Variants in NECAB2 observed in about 807,000 individuals in gnomAD.
NECAB2 encodes the protein N-terminal EF-hand calcium binding protein 2.
A neutral mutation model predicts 51.9 loss-of-function variants in NECAB2; 68 were observed. That is an observed-to-expected ratio of 1.31 (90% confidence interval 1.08 to 1.60). The LOEUF (loss-of-function observed/expected upper bound fraction) is 1.60, where lower values mean the gene tolerates loss of function less well. NECAB2 is among the 40% of genes most tolerant of loss of function. NECAB2 has a pLI of 0.00. For synonymous variants in NECAB2, 329 were observed against 203.5 expected, an observed-to-expected ratio of 1.62 and a Z score of -5.25; for missense variants, 854 against 490.3, an observed-to-expected ratio of 1.74 and a Z score of -7.00.
Position 84,000,810 on chromosome 16 carries a change from C to A in NECAB2, c.1040+9C>A. The A allele has an allele frequency of 6.2e-7, 1 of 1,613,126 alleles. No homozygotes were observed. The highest frequency in any genetic ancestry group is 1.1e-5 in the South Asian group (1 of 91,070). On this transcript the variant is annotated intron_variant, in intron 11 of 12. Coordinates refer to ENST00000305202, the MANE Select transcript of NECAB2 (RefSeq NM_019065.3). ...GAGGAGGCGTGGAAGAGGTGAGATG[C>A]TGGGTCCCCACAGCAGGTGAGGGAG...
chr16:83,965,796 C>T (rs2084273211), upstream of NECAB2: 1 of 1,613,046 alleles, frequency 6.2e-7, no homozygotes, highest in Non-Finnish European at 8.5e-7. Context: ...CTGCCTGGGG[C>T]AGGGGCTGAC....
intron 10 of NECAB2, 152 bp downstream of exon 10, chr16:83,998,469 C>G (rs1053567649): frequency 7.1e-6 from 5 of 703,826 alleles, no homozygotes; most frequent in Admixed American, 5.8e-5. Context: ...GTTCAGGTCT[C>G]TACTGAGGTT....
chr16:83,972,785 C>T (rs973996032), intron 2 of NECAB2, among the ~76,000 whole-genome samples: 1 of 152,180 alleles, frequency 6.6e-6, no homozygotes, highest in Non-Finnish European at 1.5e-5. Flanking sequence ...GAATTCATAG[C>T]GCTCCACTTC....
At chr16:83,975,294 G>A (rs2084396369) in intron 2 of NECAB2, among the ~76,000 whole-genome samples, 1 of 150,752 alleles carries the variant, frequency 6.6e-6, no homozygotes, top group Admixed American at 6.6e-5. Context: ...GAACAGGTGT[G>A]CAGGGATGAG....
intron 5 of NECAB2, among the ~76,000 whole-genome samples, chr16:83,984,912 C>G (rs2084533834): frequency 6.6e-6 from 1 of 152,132 alleles, no homozygotes; most frequent in African/African-American, 2.4e-5. Flanking sequence ...TAGCTCCTAT[C>G]ATTATTATTT....
intron 8 of NECAB2, among the ~76,000 whole-genome samples, chr16:83,996,600 T>G (rs2084702716): frequency 7.0e-6 from 1 of 143,656 alleles, no homozygotes; most frequent in Non-Finnish European, 1.6e-5. Context: ...GTGCGTCAGG[T>G]AGACACACTG....
chr16:83,991,249 C>G (rs1232700571), intron 6 of NECAB2, among the ~76,000 whole-genome samples: 1 of 151,960 alleles, frequency 6.6e-6, no homozygotes, highest in Admixed American at 6.6e-5. Context: ...TCCCAAAGTG[C>G]TGGGATGAAA....
intron 5 of NECAB2, among the ~76,000 whole-genome samples, chr16:83,987,195 C>G (rs896362000): frequency 2.6e-5 from 4 of 152,024 alleles, no homozygotes; most frequent in African/African-American, 9.7e-5. Context: ...CTTAGAAAAA[C>G]AAGAAACCCA....
At chr16:83,965,844 G>A (rs1291152363), upstream of NECAB2, 1 of 1,613,060 alleles carries the variant, frequency 6.2e-7, no homozygotes, top group Middle Eastern at 1.6e-4. Flanking sequence ...AGCGCCAAGA[G>A]GAACCCCATT....
At chr16:83,989,349 C>G (rs2084593028) in intron 5 of NECAB2, among the ~76,000 whole-genome samples, 1 of 152,206 alleles carries the variant, frequency 6.6e-6, no homozygotes, top group Non-Finnish European at 1.5e-5. Context: ...GGTCGCCCAC[C>G]TTCACCACGC....
intron 5 of NECAB2, among the ~76,000 whole-genome samples, chr16:83,986,705 A>G (rs1018026966): frequency 1.1e-4 from 16 of 145,686 alleles, no homozygotes; most frequent in African/African-American, 4.1e-4. Flanking sequence ...TTTTTGGTAG[A>G]GACAGGGTTT....
At chr16:83,985,760 G>C (rs2151092190) in intron 5 of NECAB2, among the ~76,000 whole-genome samples, 1 of 152,164 alleles carries the variant, frequency 6.6e-6, no homozygotes, top group African/African-American at 2.4e-5. Flanking sequence ...ATTGTATTAA[G>C]ATAAAATTGA....
chr16:83,983,983 T>C (rs896976713), intron 5 of NECAB2, among the ~76,000 whole-genome samples: 7 of 149,346 alleles, frequency 4.7e-5, no homozygotes, highest in Admixed American at 3.3e-4. Flanking sequence ...AAAATACATA[T>C]ATATATATGG....
At chr16:83,994,262 CCACCGCCATGGT>C in intron 6 of NECAB2, 28 bp from the exon 7 acceptor site, 1 of 1,594,994 alleles carries the variant, frequency 6.3e-7, no homozygotes, top group East Asian at 2.2e-5. Flanking sequence ...GGCCCTGAAG[CCACCGCCATGGT>C]CTGTGTGTGT....
rs759608036 is a variant in NECAB2 at position 83,997,221 on chromosome 16, G to T, written c.801G>T (p.Leu267=). ...TGTGTGCTGGATTGTTTCAGGCACT[G>T]TGGTTCGACCTGCAGCAGCGCCTGT... The part of the protein sequence containing the change: ...ELIGRLESKA[L]WFDLQQRLSD... Residue 267 remains leucine (L), a synonymous_variant, in exon 9 of 13, where the codon CTG becomes CTT. Coordinates refer to ENST00000305202, the MANE Select transcript of NECAB2 (RefSeq NM_019065.3). 6 of 1,614,052 alleles carry T rather than the reference G, an allele frequency of 3.7e-6. No homozygotes were observed. The East Asian group carries it at 8.9e-5, about 24-fold the overall frequency.
At chr16:83,982,007 G>A (rs887443748) in intron 5 of NECAB2, among the ~76,000 whole-genome samples, 5 of 152,190 alleles carry the variant, frequency 3.3e-5, no homozygotes, top group African/African-American at 1.2e-4. Flanking sequence ...CTGAGCCTCA[G>A]TTTTTCCATC....
At chr16:83,991,221 G>A (rs750711863) in intron 6 of NECAB2, among the ~76,000 whole-genome samples, 3 of 151,644 alleles carry the variant, frequency 2.0e-5, no homozygotes, top group Non-Finnish European at 4.4e-5. Flanking sequence ...GGCCTCACGT[G>A]ATCCACCTGC....
rs892975864 is a variant in NECAB2, at chr16:84,002,526, G to T, written c.*180G>T. 2 of 778,466 alleles carry T rather than the reference G, an allele frequency of 2.6e-6. No individual in the cohort carries two copies. The highest frequency in any genetic ancestry group is 4.2e-6 in the Non-Finnish European group (2 of 479,428). The allele number at this position is 778,466 out of a possible 1,614,324, so 48.2% of individuals were successfully genotyped here. ...CCCTGCCCCCACCTGAGAAGGCAGA[G>T]CAGTGTCTGTGCTGCCAGGTCCTGG... On this transcript the variant is annotated 3_prime_UTR_variant, in exon 13 of 13. Coordinates refer to ENST00000305202, the MANE Select transcript of NECAB2 (RefSeq NM_019065.3).
chr16:83,973,909 C>T (rs772703738), intron 2 of NECAB2, among the ~76,000 whole-genome samples: 62 of 152,058 alleles, frequency 4.1e-4, no homozygotes, highest in Admixed American at 3.3e-4. Flanking sequence ...GCGTGTGTGG[C>T]TTCCTGAGTG....
Sources: gnomAD v4.1 joint callset for allele counts (sites outside exome capture counted in the v4.1 genomes callset) on GRCh38, gnomAD v4.1.1 for gene constraint, MANE v1.5 for transcripts, NCBI Gene and HGNC (gene_info 2026-07-23, HGNC 2026-07-21) for gene names.